BAZ2B: variants seen among roughly 807,000 people sequenced by gnomAD.
The protein encoded by BAZ2B is bromodomain adjacent to zinc finger domain protein 2B.
BAZ2B carries 91 observed loss-of-function variants against 246.0 expected under a neutral mutation model. That is an observed-to-expected ratio of 0.37 (90% CI 0.31 to 0.44). The LOEUF (loss-of-function observed/expected upper bound fraction) is 0.44, where lower values mean the gene tolerates loss of function less well. Ranked by LOEUF, BAZ2B falls within the 20% of genes least tolerant of loss-of-function variation. BAZ2B has a pLI of 1.00. For missense variants in BAZ2B, 2,332 were observed against 2,533.7 expected (o/e 0.92, Z 1.71); for synonymous variants, 855 against 860.0 (o/e 0.99, Z 0.10).
the BAZ2B span, among the ~76,000 whole-genome samples, chr2:159,692,672 G>A: frequency 6.6e-6 from 1 of 152,062 alleles, no homozygotes; most frequent in East Asian, 1.9e-4. Context: ...GCAACATAGT[G>A]AGGCCTGTCT....
the BAZ2B span, among the ~76,000 whole-genome samples, chr2:159,645,609 C>T: frequency 1.3e-5 from 2 of 152,072 alleles, no homozygotes; most frequent in Admixed American, 1.3e-4. Flanking sequence ...CTGCTTACCT[C>T]CTGCTTGTGT....
At chr2:159,637,011 A>C in the BAZ2B span, among the ~76,000 whole-genome samples, 1 of 152,180 alleles carries the variant, frequency 6.6e-6, no homozygotes, top group African/African-American at 2.4e-5. Flanking sequence ...TGCTGACTAA[A>C]GAGTCCTTGG....
In BAZ2B at chr2:159,393,803, T is replaced by A. The variant is rs1402875367; in HGVS notation, c.3075+1966A>T. On this transcript the variant is annotated intron_variant, in intron 20 of 36. Coordinates refer to ENST00000392783, the MANE Select transcript of BAZ2B (RefSeq NM_013450.4). ...GGATTCTTAGAATATCTCATTTTCA[T>A]CAGCTGTATTTATCCTGTGGCTACC... Among the ~76,000 whole-genome samples, 4 of 152,230 alleles carry A rather than the reference T, an allele frequency of 2.6e-5. No individual in the cohort carries two copies. The East Asian group carries it at 7.8e-4, about 30-fold the overall frequency.
chr2:159,618,330 T>C (rs1579015172), upstream of BAZ2B, among the ~76,000 whole-genome samples: 2 of 152,328 alleles, frequency 1.3e-5, no homozygotes, highest in Admixed American at 1.3e-4. Flanking sequence ...CTGCATTCCT[T>C]TCAAGCTATA....
chr2:159,462,324 C>T (rs2150617417), intron 3 of BAZ2B: 2 of 868,978 alleles, frequency 2.3e-6, no homozygotes, highest in East Asian at 4.9e-5. Flanking sequence ...TTATAAATCA[C>T]TTATTTATCA....
At chr2:159,692,877 C>G in the BAZ2B span, among the ~76,000 whole-genome samples, 3 of 152,178 alleles carry the variant, frequency 2.0e-5, 1 homozygote, top group Non-Finnish European at 2.9e-5. Context: ...CTATCGAGTA[C>G]AATAGCTCAC....
intron 34 of BAZ2B, among the ~76,000 whole-genome samples, chr2:159,330,494 C>A (rs1485177807): frequency 6.6e-6 from 1 of 152,138 alleles, no homozygotes; most frequent in Non-Finnish European, 1.5e-5. Flanking sequence ...AGTGAGAAAT[C>A]TGAATGCTGT....
the BAZ2B span, among the ~76,000 whole-genome samples, chr2:159,642,225 CCTTT>C: frequency 1.0e-4 from 15 of 146,978 alleles, no homozygotes; most frequent in South Asian, 4.2e-4. Context: ...TTTTCTTTTT[CCTTT>C]CTTTCTTTCT....
At chr2:159,587,257 T>A (rs1436633382) in intron 1 of BAZ2B, among the ~76,000 whole-genome samples, 1 of 152,098 alleles carries the variant, frequency 6.6e-6, no homozygotes, top group Admixed American at 6.5e-5. Context: ...TTTTTTTGTA[T>A]TTTTAGTAGA....
chr2:159,697,501 G>T, the BAZ2B span, among the ~76,000 whole-genome samples: 1 of 152,042 alleles, frequency 6.6e-6, no homozygotes, highest in Non-Finnish European at 1.5e-5. Context: ...GGAGCTACTT[G>T]CTTTTTAGGG....
At chr2:159,668,345 CAATGTTA>C in the BAZ2B span, among the ~76,000 whole-genome samples, 8 of 152,088 alleles carry the variant, frequency 5.3e-5, no homozygotes, top group African/African-American at 1.4e-4. Context: ...GCATTTGTTA[CAATGTTA>C]AATACAAATG....
the BAZ2B span, among the ~76,000 whole-genome samples, chr2:159,655,638 T>C: frequency 1.3e-5 from 2 of 152,302 alleles, no homozygotes; most frequent in East Asian, 3.9e-4. Context: ...ATTACATGTA[T>C]ACTGGTTACC....
the BAZ2B span, among the ~76,000 whole-genome samples, chr2:159,667,973 C>T: frequency 1.3e-5 from 2 of 152,090 alleles, no homozygotes; most frequent in Non-Finnish European, 2.9e-5. Flanking sequence ...TAATCAATTT[C>T]ATTAGAAGCA....
the BAZ2B span, among the ~76,000 whole-genome samples, chr2:159,626,561 A>G: frequency 5.8e-4 from 88 of 151,928 alleles, no homozygotes; most frequent in South Asian, 0.01. Flanking sequence ...AACAACCTGA[A>G]TGAATACTGG....
rs193094930 is a variant in BAZ2B at position 159,615,238 on chromosome 2, T to C, written c.-46+1004A>G. On this transcript the variant is annotated intron_variant, in intron 1 of 36. Transcript: ENST00000392783. ...CCCTTCTCAAATCCCAATTCTGGGGTTCGTGAAACTACTTAAAGGGGAGGG... is the reference window on the plus strand; with the variant it reads ...CCCTTCTCAAATCCCAATTCTGGGGCTCGTGAAACTACTTAAAGGGGAGGG... 1.4e-3 allele frequency: 204 copies of C among 146,250 alleles called. 1 individual carries two copies. Among genetic ancestry groups the C allele is most frequent in the African/African-American group, 4.9e-3 (195 of 39,738 alleles). The allele number at this position is 146,250 out of a possible 1,614,324, so 9.1% of individuals were successfully genotyped here.
At chr2:159,551,331 T>A (rs1184691661) in intron 2 of BAZ2B, among the ~76,000 whole-genome samples, 1 of 151,742 alleles carries the variant, frequency 6.6e-6, no homozygotes, top group Non-Finnish European at 1.5e-5. Context: ...TAGCTGGGCG[T>A]GGTGGCGGAA....
intron 2 of BAZ2B, among the ~76,000 whole-genome samples, chr2:159,538,280 C>T (rs11896318): frequency 0.031 from 4,747 of 152,272 alleles, 250 homozygotes; most frequent in African/African-American, 0.11. Flanking sequence ...TGATCTTCAC[C>T]TGAAATTCTG....
the BAZ2B span, among the ~76,000 whole-genome samples, chr2:159,675,896 G>A: frequency 3.9e-4 from 58 of 148,886 alleles, no homozygotes; most frequent in Non-Finnish European, 7.2e-4. Context: ...CACCCCCTAC[G>A]TTCGGCTTTT....
chr2:159,348,583 T>G lies in BAZ2B; in HGVS notation c.5293+95A>C, dbSNP rs77203285. ...TCCATAGATGTGGAACCCATGAATA[T>G]GAAGGACCAATAGACTGTACTAAAA... On this transcript the variant is annotated intron_variant, in intron 30 of 36. Coordinates refer to ENST00000392783, the MANE Select transcript of BAZ2B (RefSeq NM_013450.4). The G allele has an allele frequency of 1.1e-3, 1,464 of 1,386,274 alleles. 20 individuals carry two copies. The East Asian group carries it at 0.032, about 30-fold the overall frequency. The allele number at this position is 1,386,274 out of a possible 1,614,324, so 85.9% of individuals were successfully genotyped here.
Sources: gnomAD v4.1 joint callset for allele counts (sites outside exome capture counted in the v4.1 genomes callset) on GRCh38, gnomAD v4.1.1 for gene constraint, MANE v1.5 for transcripts, NCBI Gene and HGNC (gene_info 2026-07-23, HGNC 2026-07-21) for gene names.